The following NDUFAF4 variants were observed in gnomAD, a reference collection of about 807,000 sequenced individuals.
NDUFAF4 encodes the protein NADH dehydrogenase [ubiquinone] 1 alpha subcomplex assembly factor 4.
Under a neutral mutation model 15.6 loss-of-function variants are expected in NDUFAF4, and 10 were observed. The ratio of observed to expected loss-of-function variants is 0.64; its 90% CI spans 0.40 to 1.09. The LOEUF (loss-of-function observed/expected upper bound fraction) is 1.09, where lower values mean the gene tolerates loss of function less well. NDUFAF4 is among the 50% of genes least tolerant of loss of function. The probability of loss-of-function intolerance (pLI) is 0.01; values close to 1 mark genes in which losing one functional copy is unlikely to be tolerated. For synonymous variants in NDUFAF4, 77 were observed against 73.3 expected (o/e 1.05, Z -0.26); for missense variants, 203 against 207.3 (o/e 0.98, Z 0.13).
chr6:96,892,072 T>C (rs775543366), intron 2 of NDUFAF4, among the ~76,000 whole-genome samples: 7 of 152,076 alleles, frequency 4.6e-5, no homozygotes, highest in Non-Finnish European at 1.0e-4. Context: ...ACAATGAAAA[T>C]AATTTATTAA....
chr6:96,895,865 T>C (rs1357316863), intron 2 of NDUFAF4, among the ~76,000 whole-genome samples: 1 of 152,106 alleles, frequency 6.6e-6, no homozygotes, highest in Non-Finnish European at 1.5e-5. Context: ...AGTACCAGAA[T>C]ATTTTAGAAT....
chr6:96,892,201 G>C (rs967234784), intron 2 of NDUFAF4, among the ~76,000 whole-genome samples: 15 of 151,920 alleles, frequency 9.9e-5, no homozygotes, highest in African/African-American at 3.4e-4. Flanking sequence ...CACCTTGAAT[G>C]AATTGAAATA....
chr6:96,896,368 T>G (rs1775372652), intron 2 of NDUFAF4, among the ~76,000 whole-genome samples: 1 of 152,196 alleles, frequency 6.6e-6, no homozygotes, highest in South Asian at 2.1e-4. Flanking sequence ...AAGGAGTCTC[T>G]GAGATTAGAA....
chr6:96,891,509 C>T (rs1049293219), intron 2 of NDUFAF4, 118 bp from the exon 3 acceptor site: 2 of 1,097,844 alleles, frequency 1.8e-6, no homozygotes, highest in African/African-American at 1.6e-5. Flanking sequence ...GGATCTGTGT[C>T]CCCACCCAAA....
At chr6:96,892,210 T>C (rs1011308504) in intron 2 of NDUFAF4, among the ~76,000 whole-genome samples, 1 of 152,174 alleles carries the variant, frequency 6.6e-6, no homozygotes, top group Admixed American at 6.5e-5. Context: ...TGAATTGAAA[T>C]ATTGCTAGTG....
chr6:96,893,229 A>G (rs1348301481), intron 2 of NDUFAF4, among the ~76,000 whole-genome samples: 2 of 152,288 alleles, frequency 1.3e-5, no homozygotes. Context: ...CTCTTGCAGA[A>G]ATGACTGCAA....
intron 2 of NDUFAF4, among the ~76,000 whole-genome samples, chr6:96,895,201 A>G (rs912711163): frequency 6.6e-6 from 1 of 152,200 alleles, no homozygotes; most frequent in African/African-American, 2.4e-5. Context: ...TTTAATATAA[A>G]ATGTAGTTAT....
At chr6:96,894,285 A>G (rs1775346138) in intron 2 of NDUFAF4, among the ~76,000 whole-genome samples, 1 of 152,168 alleles carries the variant, frequency 6.6e-6, no homozygotes, top group Admixed American at 6.5e-5. Flanking sequence ...TTAGTCACTT[A>G]GTAGCCATTC....
intron 2 of NDUFAF4, among the ~76,000 whole-genome samples, chr6:96,892,076 T>G (rs1310354585): frequency 6.6e-6 from 1 of 152,120 alleles, no homozygotes; most frequent in Non-Finnish European, 1.5e-5. Flanking sequence ...TGAAAATAAT[T>G]TATTAAAAAC....
At chr6:96,892,874 C>G (rs754724835) in intron 2 of NDUFAF4, among the ~76,000 whole-genome samples, 1 of 152,144 alleles carries the variant, frequency 6.6e-6, no homozygotes, top group African/African-American at 2.4e-5. Context: ...TCCATTACTG[C>G]CTACAAGTTA....
chr6:96,891,225 TCAG>T lies in NDUFAF4; in HGVS notation c.404_406del (p.Ala135del). ...TAACTGGTATTCCTGCATTATTTTC[TCAG>T]CAGTCCAGGTTTCTGGGAAAAGCTT... On this transcript the variant is annotated inframe_deletion, in exon 3 of 3. Coordinates refer to ENST00000316149, the MANE Select transcript of NDUFAF4 (RefSeq NM_014165.4). 6.2e-7 allele frequency: 1 copy of T among 1,613,678 alleles called. No individual in the cohort carries two copies. Among genetic ancestry groups the T allele is most frequent in the Non-Finnish European group, 8.5e-7 (1 of 1,179,724 alleles).
intron 1 of NDUFAF4, 121 bp downstream of exon 1, chr6:96,897,545 C>T: frequency 2.1e-6 from 3 of 1,432,806 alleles, no homozygotes; most frequent in Non-Finnish European, 1.9e-6. Flanking sequence ...TCCGCCAACC[C>T]GAGCGGCTGC....
rs78080606 is a variant in NDUFAF4 at position 96,896,197 on chromosome 6, C to G, written c.240+547G>C. On this transcript the variant is annotated intron_variant, in intron 2 of 2. Transcript: ENST00000316149. ...GTTTTGTTCATCACTATATACAAAG[C>G]ACTTGTGCCCAGGACTTACATAATA... 1,230 of 162,670 alleles carry G rather than the reference C, an allele frequency of 7.6e-3. 7 individuals carry two copies. The highest frequency in any genetic ancestry group is 0.014 in the Admixed American group (240 of 17,258). 10.1% of individuals were successfully genotyped at this position (162,670 alleles called of 1,614,324 possible). A position where few individuals can be genotyped will look rare whatever the true frequency, so the allele number is the denominator to read the frequency against.
chr6:96,894,551 T>C, intron 2 of NDUFAF4, among the ~76,000 whole-genome samples: 1 of 152,194 alleles, frequency 6.6e-6, no homozygotes, highest in Non-Finnish European at 1.5e-5. Flanking sequence ...TCCATTTTAT[T>C]AGTTGTTAAT....
intron 1 of NDUFAF4, 145 bp downstream of exon 1, chr6:96,897,521 C>G (rs998759205): frequency 8.2e-7 from 1 of 1,221,352 alleles, no homozygotes; most frequent in Non-Finnish European, 1.1e-6. Flanking sequence ...CCTGGCGGCT[C>G]CCCCTTCCAA....
At chr6:96,892,045 T>C (rs1775323036) in intron 2 of NDUFAF4, among the ~76,000 whole-genome samples, 1 of 152,162 alleles carries the variant, frequency 6.6e-6, no homozygotes, top group African/African-American at 2.4e-5. Context: ...CCACATTATT[T>C]CACGTGTTTT....
chr6:96,897,564 AG>A, intron 1 of NDUFAF4, 101 bp downstream of exon 1: 5 of 1,512,016 alleles, frequency 3.3e-6, no homozygotes, highest in Non-Finnish European at 3.6e-6. Flanking sequence ...GCGGCCGAGC[AG>A]GCTGACGCCG....
At chr6:96,891,441 T>C (rs767824251) in intron 2 of NDUFAF4, 50 bp from the exon 3 acceptor site, 4 of 1,494,700 alleles carry the variant, frequency 2.7e-6, no homozygotes, top group African/African-American at 1.4e-5. Flanking sequence ...ATTTGACATC[T>C]ACTTTCATAC....
At position 96,890,764 on chromosome 6, in the gene NDUFAF4, T is replaced by C. The variant is rs935845295; in HGVS notation, c.*340A>G. The C allele has an allele frequency of 1.8e-5, 4 of 219,806 alleles. No individual in the cohort carries two copies. The highest frequency in any genetic ancestry group is 7.1e-5 in the South Asian group (1 of 14,004). The allele number at this position is 219,806 out of a possible 1,614,324, so 13.6% of individuals were successfully genotyped here. A position where few individuals can be genotyped will look rare whatever the true frequency, so the allele number is the denominator to read the frequency against. ...ACCTAACTTGGAAAGTAAAACTCAGTTGAGGGATTCAGGACATTTCCCAAG... is the reference window on the plus strand; with the variant it reads ...ACCTAACTTGGAAAGTAAAACTCAGCTGAGGGATTCAGGACATTTCCCAAG... On this transcript the variant is annotated 3_prime_UTR_variant, in exon 3 of 3. Transcript: ENST00000316149.
Sources: gnomAD v4.1 joint callset for allele counts (sites outside exome capture counted in the v4.1 genomes callset) on GRCh38, gnomAD v4.1.1 for gene constraint, MANE v1.5 for transcripts, NCBI Gene and HGNC (gene_info 2026-07-23, HGNC 2026-07-21) for gene names.